CCDC178: variants seen among roughly 807,000 people sequenced by gnomAD.
The protein encoded by CCDC178 is coiled-coil domain containing 178.
CCDC178 carries 126 observed loss-of-function variants against 117.4 expected under a neutral mutation model. That is an observed-to-expected ratio of 1.07 (90% confidence interval 0.93 to 1.24). The LOEUF is 1.24. Among genes scored for constraint, CCDC178 ranks in the 50% most tolerant of loss-of-function variants. The probability of loss-of-function intolerance (pLI) is 0.00; values close to 1 mark genes in which losing one functional copy is unlikely to be tolerated. For synonymous variants in CCDC178, 283 were observed against 313.4 expected, an observed-to-expected ratio of 0.90 and a Z score of 1.02; for missense variants, 1,030 against 986.9, an observed-to-expected ratio of 1.04 and a Z score of -0.59.
intron 21 of CCDC178, among the ~76,000 whole-genome samples, chr18:33,022,103 G>A (rs1315262324): frequency 6.6e-6 from 1 of 152,038 alleles, no homozygotes; most frequent in African/African-American, 2.4e-5. Context: ...TGGTCTTTTG[G>A]TATGTTCTTC....
chr18:33,136,452 C>T (rs990934683), intron 20 of CCDC178, among the ~76,000 whole-genome samples: 7 of 152,132 alleles, frequency 4.6e-5, no homozygotes, highest in Admixed American at 1.3e-4. Flanking sequence ...CTAATTTCCT[C>T]TCTGCAGGGT....
chr18:33,409,133 T>C (rs1446160870), intron 3 of CCDC178, among the ~76,000 whole-genome samples: 1 of 152,190 alleles, frequency 6.6e-6, no homozygotes, highest in Non-Finnish European at 1.5e-5. Flanking sequence ...GTCTTGCTCT[T>C]CACCCAAGCT....
At chr18:32,986,116 T>A (rs1411749420) in intron 21 of CCDC178, among the ~76,000 whole-genome samples, 2 of 152,014 alleles carry the variant, frequency 1.3e-5, no homozygotes, top group Admixed American at 6.5e-5. Context: ...TGAAAAATTA[T>A]GAAAAAAAGA....
chr18:32,999,186 G>T (rs2055579641), intron 21 of CCDC178, among the ~76,000 whole-genome samples: 1 of 152,116 alleles, frequency 6.6e-6, no homozygotes, highest in South Asian at 2.1e-4. Context: ...GTGAAGACTG[G>T]CAGTAGCCAG....
chr18:33,099,008 C>G (rs1216736043), intron 20 of CCDC178, among the ~76,000 whole-genome samples: 2 of 152,060 alleles, frequency 1.3e-5, no homozygotes, highest in South Asian at 2.1e-4. Flanking sequence ...AAGATCGAAG[C>G]TGCCCCACCA....
chr18:33,267,620 A>C (rs1040040238), intron 12 of CCDC178, among the ~76,000 whole-genome samples: 4 of 151,606 alleles, frequency 2.6e-5, no homozygotes, highest in Non-Finnish European at 1.5e-5. Context: ...TAAAATACTG[A>C]ATGTATCCTC....
chr18:33,135,512 C>T (rs1409419544), intron 20 of CCDC178, among the ~76,000 whole-genome samples: 2 of 152,064 alleles, frequency 1.3e-5, no homozygotes, highest in Non-Finnish European at 2.9e-5. Flanking sequence ...ACTATTATCA[C>T]ACAATTACAT....
Position 32,937,879 on chromosome 18 carries a change from G to T in CCDC178, c.*132C>A, listed in dbSNP as rs1373790976. 3 of 671,156 alleles carry T rather than the reference G, an allele frequency of 4.5e-6. No individual in the cohort carries two copies. Among genetic ancestry groups the T allele is most frequent in the Non-Finnish European group, 5.4e-6 (2 of 371,974 alleles). The allele number at this position is 671,156 out of a possible 1,614,324, so 41.6% of individuals were successfully genotyped here. A position where few individuals can be genotyped will look rare whatever the true frequency, so the allele number is the denominator to read the frequency against. On this transcript the variant is annotated 3_prime_UTR_variant, in exon 23 of 23. Coordinates refer to ENST00000383096, the MANE Select transcript of CCDC178 (RefSeq NM_001105528.4). ...GAGTAAAAGAGTGGCAAAGCATGCT[G>T]GGAGGTGAGTGAGTTTTTCGTTCAT...
At chr18:32,970,379 A>G (rs544410075) in intron 22 of CCDC178, among the ~76,000 whole-genome samples, 3 of 152,024 alleles carry the variant, frequency 2.0e-5, no homozygotes, top group South Asian at 4.1e-4. Context: ...GTTATATACA[A>G]TTTACTTTAC....
intron 2 of CCDC178, among the ~76,000 whole-genome samples, chr18:33,428,930 T>C (rs2064166073): frequency 6.6e-6 from 1 of 151,492 alleles, no homozygotes; most frequent in Non-Finnish European, 1.5e-5. Flanking sequence ...AAACTTTAAA[T>C]TGTAAGCCTG....
At chr18:33,371,859 A>G (rs1336061650) in intron 5 of CCDC178, among the ~76,000 whole-genome samples, 1 of 151,590 alleles carries the variant, frequency 6.6e-6, no homozygotes, top group Non-Finnish European at 1.5e-5. Context: ...ATCTAGTAAA[A>G]ATTGCATATT....
At chr18:33,416,295 C>T (rs185730285) in intron 2 of CCDC178, among the ~76,000 whole-genome samples, 1,884 of 152,120 alleles carry the variant, frequency 0.012, 28 homozygotes, top group Non-Finnish European at 0.014. Context: ...GGCGTGGTGG[C>T]GGGCGCCTAT....
At chr18:33,349,063 A>G (rs2062935480) in intron 7 of CCDC178, 88 bp from the exon 8 acceptor site, 1 of 749,760 alleles carries the variant, frequency 1.3e-6, no homozygotes, top group South Asian at 1.9e-5. Flanking sequence ...TGAATTTTAA[A>G]TATTTGTGGT....
chr18:33,024,938 C>T (rs2056197583), intron 21 of CCDC178, among the ~76,000 whole-genome samples: 1 of 151,988 alleles, frequency 6.6e-6, no homozygotes, highest in African/African-American at 2.4e-5. Context: ...CAGGCATGAG[C>T]CACCGCTCTT....
intron 14 of CCDC178, among the ~76,000 whole-genome samples, chr18:33,257,805 C>G (rs934433361): frequency 6.6e-6 from 1 of 152,108 alleles, no homozygotes; most frequent in African/African-American, 2.4e-5. Context: ...CTCCTCATCA[C>G]TGGGCTGTAA....
At chr18:33,168,570 A>C (rs773116926) in intron 20 of CCDC178, among the ~76,000 whole-genome samples, 16 of 152,222 alleles carry the variant, frequency 1.1e-4, no homozygotes, top group Non-Finnish European at 2.4e-4. Context: ...AATAAAAATA[A>C]ATTTTTAAAA....
intron 9 of CCDC178, among the ~76,000 whole-genome samples, chr18:33,339,657 A>G (rs924720066): frequency 1.6e-4 from 25 of 151,970 alleles, no homozygotes; most frequent in African/African-American, 5.8e-4. Context: ...GGGGGAGGTA[A>G]CTGAATCGGC....
chr18:33,105,598 T>C (rs947354238), intron 20 of CCDC178, among the ~76,000 whole-genome samples: 4 of 151,722 alleles, frequency 2.6e-5, no homozygotes, highest in Admixed American at 2.0e-4. Flanking sequence ...TGTTTGTGTG[T>C]GTGTTTTTAT....
chr18:33,126,986 T>TAAAA (rs1225815316), intron 20 of CCDC178, among the ~76,000 whole-genome samples: 1,548 of 135,866 alleles, frequency 0.011, 18 homozygotes, highest in African/African-American at 0.025. Flanking sequence ...TGCATTTGGT[T>TAAAA]AAAAAAAAAA....
Sources: allele counts gnomAD v4.1 joint callset (sites outside exome capture counted in the v4.1 genomes callset), GRCh38; gene constraint gnomAD v4.1.1; transcripts MANE v1.5; gene names NCBI Gene and HGNC (gene_info 2026-07-23, HGNC 2026-07-21).